Variants in RFC3 observed in about 807,000 individuals in gnomAD.
RFC3 encodes the protein A1 38 kDa subunit.
A neutral mutation model predicts 45.1 loss-of-function variants in RFC3; 41 were observed. The observed-to-expected ratio is 0.91, with a 90% confidence interval of 0.71 to 1.18. The LOEUF is 1.18. Ranked by LOEUF, RFC3 falls within the 50% of genes most tolerant of loss-of-function variation. The pLI, the probability that RFC3 is intolerant of heterozygous loss-of-function variation, is 0.00. For synonymous variants in RFC3, 149 were observed against 144.0 expected (o/e 1.03, Z -0.25); for missense variants, 423 against 428.1 (o/e 0.99, Z 0.10).
At chr13:33,941,216 G>T (rs866960493) in intron 8 of RFC3, among the ~76,000 whole-genome samples, 2 of 152,120 alleles carry the variant, frequency 1.3e-5, no homozygotes, top group Non-Finnish European at 2.9e-5. Flanking sequence ...GCAGGACTCC[G>T]TCTCACTTTC....
intron 4 of RFC3, 176 bp from the exon 5 acceptor site, chr13:33,829,660 T>C: frequency 1.6e-6 from 1 of 625,302 alleles, no homozygotes; most frequent in Non-Finnish European, 2.8e-6. Flanking sequence ...GATTGTAGCA[T>C]TTTAAAATAA....
At chr13:33,860,530 T>A (rs1367564473) in intron 8 of RFC3, among the ~76,000 whole-genome samples, 2 of 152,170 alleles carry the variant, frequency 1.3e-5, no homozygotes, top group African/African-American at 4.8e-5. Flanking sequence ...ACCCCAGACT[T>A]CTCTTCCTTC....
rs753700846 is a variant in RFC3 at position 33,831,360 on chromosome 13, A to G, written c.809+6A>G. 12 of 1,506,236 alleles carry G rather than the reference A, an allele frequency of 8.0e-6. No homozygotes were observed. The highest frequency in any genetic ancestry group is 1.1e-5 in the Non-Finnish European group (12 of 1,081,798). The allele number at this position is 1,506,236 out of a possible 1,614,324, so 93.3% of individuals were successfully genotyped here. A position where few individuals can be genotyped will look rare whatever the true frequency, so the allele number is the denominator to read the frequency against. ...AGTCAGCAAACTCCACAAAGGTACC[A>G]GTATAAAATGATGACAGTAAAGCTT... On this transcript the variant is annotated splice_donor_region_variant and intron_variant, in intron 7 of 8. Coordinates refer to ENST00000380071, the MANE Select transcript of RFC3 (RefSeq NM_002915.4).
intron 8 of RFC3, among the ~76,000 whole-genome samples, chr13:33,912,417 A>G (rs914662761): frequency 6.6e-6 from 1 of 152,136 alleles, no homozygotes; most frequent in Non-Finnish European, 1.5e-5. Context: ...CAGAGCATCA[A>G]GAAGGGCTTT....
intron 8 of RFC3, among the ~76,000 whole-genome samples, chr13:33,963,979 C>T (rs540046140): frequency 4.6e-5 from 7 of 152,304 alleles, no homozygotes; most frequent in East Asian, 1.9e-4. Flanking sequence ...CTCTGCCCTC[C>T]GCCTTCAAGC....
At chr13:33,912,402 T>C (rs1322534215) in intron 8 of RFC3, among the ~76,000 whole-genome samples, 3 of 152,078 alleles carry the variant, frequency 2.0e-5, no homozygotes, top group Non-Finnish European at 4.4e-5. Flanking sequence ...ACATTTATTC[T>C]GATCCAGAGC....
At position 33,829,922 on chromosome 13, in the gene RFC3, A is replaced by G. The variant is rs771860264; in HGVS notation, c.478A>G (p.Arg160Gly). Residue 160 changes from arginine (R) to glycine (G), a missense_variant, in exon 5 of 9, where the codon AGA (arginine) becomes GGA (glycine). Coordinates refer to ENST00000380071, the MANE Select transcript of RFC3 (RefSeq NM_002915.4). ...RTMEKYMSTC[R>G]LILCCNSTSK... ...CATGGAAAAATATATGTCTACCTGC[A>G]GATTGATCTTGTGCTGCAATTCTAC... The G allele has an allele frequency of 1.9e-6, 3 of 1,614,128 alleles. No homozygotes were observed. The highest frequency in any genetic ancestry group is 3.3e-5 in the Admixed American group (2 of 60,022).
At chr13:33,954,229 A>T (rs1038770971) in intron 8 of RFC3, among the ~76,000 whole-genome samples, 1 of 152,186 alleles carries the variant, frequency 6.6e-6, no homozygotes, top group Non-Finnish European at 1.5e-5. Flanking sequence ...AAAAGAATGG[A>T]ATAGCTACAT....
chr13:33,954,000 A>G (rs1012766048), intron 8 of RFC3, among the ~76,000 whole-genome samples: 4 of 152,218 alleles, frequency 2.6e-5, no homozygotes, highest in Admixed American at 2.6e-4. Context: ...AGAAGACCTC[A>G]GGCATGTTCT....
At chr13:33,886,954 G>A (rs2082529260) in intron 8 of RFC3, among the ~76,000 whole-genome samples, 3 of 148,558 alleles carry the variant, frequency 2.0e-5, no homozygotes, top group Admixed American at 1.3e-4. Context: ...TCCCTACAAA[G>A]GACATGAACT....
At chr13:33,873,567 C>CA (rs1555235568) in intron 8 of RFC3, among the ~76,000 whole-genome samples, 1 of 152,096 alleles carries the variant, frequency 6.6e-6, no homozygotes, top group Non-Finnish European at 1.5e-5. Flanking sequence ...AACAAACTGA[C>CA]AGAGAGAGGA....
downstream of RFC3, among the ~76,000 whole-genome samples, chr13:33,971,288 A>C (rs2083108404): frequency 6.6e-6 from 1 of 152,210 alleles, no homozygotes; most frequent in Admixed American, 6.5e-5. Context: ...TTTTTATAAA[A>C]GTTTTGCCAA....
intron 8 of RFC3, among the ~76,000 whole-genome samples, chr13:33,889,961 G>T (rs917199129): frequency 2.6e-5 from 4 of 152,184 alleles, no homozygotes; most frequent in African/African-American, 9.6e-5. Flanking sequence ...CTATGGATTA[G>T]ATTCTTTTTC....
chr13:33,888,317 TCTTA>T (rs1178985815), intron 8 of RFC3, among the ~76,000 whole-genome samples: 1 of 152,212 alleles, frequency 6.6e-6, no homozygotes, highest in Non-Finnish European at 1.5e-5. Context: ...TTTACTGAAC[TCTTA>T]CTCACCCTTC....
chr13:33,936,632 A>G (rs2082888341), intron 8 of RFC3, among the ~76,000 whole-genome samples: 1 of 152,170 alleles, frequency 6.6e-6, no homozygotes, highest in South Asian at 2.1e-4. Context: ...GCAAGCCCCA[A>G]AGAATATAAA....
At chr13:33,872,240 A>G (rs2082414709) in intron 8 of RFC3, among the ~76,000 whole-genome samples, 1 of 152,116 alleles carries the variant, frequency 6.6e-6, no homozygotes, top group African/African-American at 2.4e-5. Flanking sequence ...AAGGCACTGG[A>G]GGGGAGAAGG....
At chr13:33,940,716 C>A (rs2082917744) in intron 8 of RFC3, among the ~76,000 whole-genome samples, 1 of 152,158 alleles carries the variant, frequency 6.6e-6, no homozygotes, top group South Asian at 2.1e-4. Flanking sequence ...AAATTACTTT[C>A]ATCAATTCTC....
intron 8 of RFC3, among the ~76,000 whole-genome samples, chr13:33,883,027 T>C (rs2082495449): frequency 6.6e-6 from 1 of 152,230 alleles, no homozygotes; most frequent in Non-Finnish European, 1.5e-5. Flanking sequence ...GATGTACATG[T>C]GAGTTACTTC....
At chr13:33,851,686 C>T (rs1209325188) in intron 8 of RFC3, among the ~76,000 whole-genome samples, 2 of 152,070 alleles carry the variant, frequency 1.3e-5, no homozygotes, top group Non-Finnish European at 2.9e-5. Context: ...AGTTCAAACC[C>T]ATGTTTTTCA....
Sources: gnomAD v4.1 joint callset for allele counts (sites outside exome capture counted in the v4.1 genomes callset) on GRCh38, gnomAD v4.1.1 for gene constraint, MANE v1.5 for transcripts, NCBI Gene and HGNC (gene_info 2026-07-23, HGNC 2026-07-21) for gene names.